The following ERN1 variants were observed in gnomAD, a reference collection of about 807,000 sequenced individuals.
The protein encoded by ERN1 is serine/threonine-protein kinase/endoribonuclease IRE1.
A neutral mutation model predicts 113.1 loss-of-function variants in ERN1; 39 were observed. The ratio of observed to expected loss-of-function variants is 0.34; its 90% CI spans 0.27 to 0.45. The LOEUF (loss-of-function observed/expected upper bound fraction) is 0.45, where lower values mean the gene tolerates loss of function less well. Ranked by LOEUF, ERN1 falls within the 20% of genes least tolerant of loss-of-function variation. The pLI is 1.00. For missense variants in ERN1, 976 were observed against 1,274.8 expected (o/e 0.77, Z 3.57); for synonymous variants, 507 against 515.9 (o/e 0.98, Z 0.23).
At chr17:64,052,256 C>A (rs1912707923) in intron 17 of ERN1, among the ~76,000 whole-genome samples, 1 of 152,026 alleles carries the variant, frequency 6.6e-6, no homozygotes, top group Non-Finnish European at 1.5e-5. Flanking sequence ...AAAACAAAAA[C>A]AAAATTTTAA....
intron 2 of ERN1, among the ~76,000 whole-genome samples, chr17:64,089,862 G>A (rs549230348): frequency 6.6e-6 from 1 of 152,088 alleles, no homozygotes; most frequent in Non-Finnish European, 1.5e-5. Flanking sequence ...TCTGAATGAG[G>A]TAAACAACTG....
intron 10 of ERN1, among the ~76,000 whole-genome samples, chr17:64,062,184 C>T (rs1913075511): frequency 1.3e-5 from 2 of 152,264 alleles, no homozygotes; most frequent in Non-Finnish European, 2.9e-5. Context: ...CTGAATCAGG[C>T]TCTCCCGGGC....
chr17:64,095,446 G>GAAAA (rs1317746065), intron 2 of ERN1, among the ~76,000 whole-genome samples: 1 of 152,058 alleles, frequency 6.6e-6, no homozygotes, highest in Non-Finnish European at 1.5e-5. Flanking sequence ...GAAAAGAAAA[G>GAAAA]AAAAGAAATT....
At chr17:64,058,808 C>A (rs1194274636) in intron 11 of ERN1, among the ~76,000 whole-genome samples, 1 of 152,134 alleles carries the variant, frequency 6.6e-6, no homozygotes, top group East Asian at 1.9e-4. Flanking sequence ...CCCCTCCCCC[C>A]AGATGGCTGC....
intron 1 of ERN1, among the ~76,000 whole-genome samples, chr17:64,118,565 G>A (rs540610942): frequency 7.2e-5 from 11 of 152,286 alleles, no homozygotes; most frequent in East Asian, 3.9e-4. Context: ...TTCAAAGAGC[G>A]GGCTCCCAAT....
At chr17:64,071,665 A>G (rs1598059172) in intron 6 of ERN1, among the ~76,000 whole-genome samples, 1 of 152,122 alleles carries the variant, frequency 6.6e-6, no homozygotes, top group African/African-American at 2.4e-5. Flanking sequence ...CAGGTGATCC[A>G]CCTGCCTCGG....
At chr17:64,101,587 T>C (rs1914386543) in intron 1 of ERN1, among the ~76,000 whole-genome samples, 1 of 152,104 alleles carries the variant, frequency 6.6e-6, no homozygotes. Flanking sequence ...GGAGAGAAGC[T>C]TGAATTCGAA....
rs772534052 is a variant in ERN1, at chr17:64,044,149, G to A, written c.2773C>T (p.Leu925Phe). The A allele has an allele frequency of 1.2e-6, 2 of 1,602,268 alleles. No homozygotes were observed. The highest frequency in any genetic ancestry group is 2.2e-5 in the South Asian group (2 of 89,594). The change falls in exon 22 of 22, where the codon CTC becomes TTC. Residue 925 changes from leucine (L) to phenylalanine (F), a missense_variant. Coordinates refer to ENST00000433197, the MANE Select transcript of ERN1 (RefSeq NM_001433.5). The surrounding 1 kb of genome is among the most constrained non-coding windows in gnomAD (Gnocchi z 4.1). ...AAGTAGCACACGAAGTCGTCGGGGA[G>A]GGACCCCAGCGTCTCCCGCACCTCT... ...PAEVRETLGS[L>F]PDDFVCYFTS...
At chr17:64,122,845 A>G (rs1914987305) in intron 1 of ERN1, among the ~76,000 whole-genome samples, 2 of 152,250 alleles carry the variant, frequency 1.3e-5, no homozygotes, top group Non-Finnish European at 2.9e-5. Flanking sequence ...AATGGGTTAG[A>G]TAAGTTGTTA....
At chr17:64,056,259 G>A (rs796920602) in intron 12 of ERN1, among the ~76,000 whole-genome samples, 3 of 152,332 alleles carry the variant, frequency 2.0e-5, no homozygotes, top group African/African-American at 7.2e-5. Context: ...AAAATTCTGT[G>A]ATTTTCATGA....
intron 2 of ERN1, among the ~76,000 whole-genome samples, chr17:64,086,903 C>A (rs925694803): frequency 6.6e-6 from 1 of 152,022 alleles, no homozygotes; most frequent in African/African-American, 2.4e-5. Context: ...CGTGGCCTCC[C>A]AAAGTGCTGG....
intron 2 of ERN1, among the ~76,000 whole-genome samples, chr17:64,093,974 C>G (rs1914159881): frequency 6.6e-6 from 1 of 152,180 alleles, no homozygotes; most frequent in African/African-American, 2.4e-5. Flanking sequence ...TTTACAGGCA[C>G]TAAGTGTGGG....
intron 11 of ERN1, among the ~76,000 whole-genome samples, 155 bp downstream of exon 11, chr17:64,060,314 G>A (rs573854441): frequency 6.6e-6 from 1 of 152,150 alleles, no homozygotes; most frequent in South Asian, 2.1e-4. Flanking sequence ...CTCTCCACTA[G>A]CCCTTAACCA....
At chr17:64,086,751 ACT>A (rs1428792436) in intron 2 of ERN1, among the ~76,000 whole-genome samples, 1 of 128,962 alleles carries the variant, frequency 7.8e-6, no homozygotes, top group Non-Finnish European at 1.6e-5. Flanking sequence ...AGTTCAAGTG[ACT>A]CTCCTGCCTC....
intron 18 of ERN1, among the ~76,000 whole-genome samples, chr17:64,048,375 C>T (rs1421041146): frequency 1.3e-5 from 2 of 152,142 alleles, no homozygotes; most frequent in African/African-American, 2.4e-5. Flanking sequence ...TATGCAATCA[C>T]GTCTAGATAA....
At chr17:64,125,354 C>T (rs943025099) in intron 1 of ERN1, among the ~76,000 whole-genome samples, 3 of 152,060 alleles carry the variant, frequency 2.0e-5, no homozygotes, top group Non-Finnish European at 2.9e-5. Context: ...AATGAAAATA[C>T]CCCTTTCTTT....
chr17:64,055,573 C>T, intron 13 of ERN1, 102 bp downstream of exon 13: 1 of 1,117,382 alleles, frequency 8.9e-7, no homozygotes, highest in Non-Finnish European at 1.2e-6. Context: ...ACACAGTGAA[C>T]CCCTGAGAAT....
chr17:64,079,655 T>A lies in ERN1; in HGVS notation c.282+7A>T. The A allele has an allele frequency of 1.9e-6, 3 of 1,612,140 alleles. No homozygotes were observed. The highest frequency in any genetic ancestry group is 2.5e-6 in the Non-Finnish European group (3 of 1,178,226). On this transcript the variant is annotated splice_region_variant and intron_variant, in intron 4 of 21. Transcript: ENST00000433197. Reference sequence around the variant, plus strand: ...CTGGAGTACAAAAAGCAGCTAAATATACTCACCGTCAGGCCTTCATTATTC... The same window carrying A: ...CTGGAGTACAAAAAGCAGCTAAATAAACTCACCGTCAGGCCTTCATTATTC...
At chr17:64,125,283 CA>C (rs999146763) in intron 1 of ERN1, among the ~76,000 whole-genome samples, 8 of 149,744 alleles carry the variant, frequency 5.3e-5, no homozygotes, top group Admixed American at 3.3e-4. Flanking sequence ...GATAATGCCT[CA>C]AAAAAAAATA....
Sources: gnomAD v4.1 joint callset for allele counts (sites outside exome capture counted in the v4.1 genomes callset) on GRCh38, gnomAD v4.1.1 for gene constraint, Gnocchi (gnomAD v3.1) non-coding constraint, MANE v1.5 for transcripts, NCBI Gene and HGNC (gene_info 2026-07-23, HGNC 2026-07-21) for gene names.